The following DSCAM variants were observed in gnomAD, a reference collection of about 807,000 sequenced individuals.
DSCAM encodes the protein DS cell adhesion molecule, also known as cell adhesion molecule DSCAM.
In DSCAM, 47 loss-of-function variants were observed where a neutral mutation model predicts 217.7. The ratio of observed to expected loss-of-function variants is 0.22; its 90% confidence interval spans 0.17 to 0.28. DSCAM has a LOEUF of 0.28. Ranked by LOEUF, DSCAM falls within the 10% of genes least tolerant of loss-of-function variation. The pLI, the probability that DSCAM is intolerant of heterozygous loss-of-function variation, is 1.00. For synonymous variants in DSCAM, 1,056 were observed against 1,015.3 expected, an observed-to-expected ratio of 1.04 and a Z score of -0.76; for missense variants, 2,080 against 2,618.3, an observed-to-expected ratio of 0.79 and a Z score of 4.49.
intron 1 of DSCAM, among the ~76,000 whole-genome samples, chr21:40,710,296 C>T (rs1456314306): frequency 6.6e-6 from 1 of 152,024 alleles, no homozygotes; most frequent in African/African-American, 2.4e-5. Flanking sequence ...TAGGACATAA[C>T]AATAAAGAGA....
chr21:40,808,886 C>G (rs2091812494), intron 1 of DSCAM, among the ~76,000 whole-genome samples: 1 of 152,228 alleles, frequency 6.6e-6, no homozygotes, highest in Non-Finnish European at 1.5e-5. Context: ...CTGACACTCT[C>G]TGCTTTGTTA....
At chr21:40,677,688 TC>T (rs2146415845) in intron 3 of DSCAM, among the ~76,000 whole-genome samples, 1 of 152,250 alleles carries the variant, frequency 6.6e-6, no homozygotes, top group African/African-American at 2.4e-5. Flanking sequence ...GGGAGGTGGA[TC>T]CTTTGGAGGG....
intron 3 of DSCAM, among the ~76,000 whole-genome samples, chr21:40,388,504 C>T (rs974694360): frequency 2.0e-5 from 3 of 152,092 alleles, no homozygotes; most frequent in Non-Finnish European, 4.4e-5. Context: ...TCCATTTCAC[C>T]CACATCTTAA....
At chr21:40,437,721 G>A (rs2075595877) in intron 3 of DSCAM, among the ~76,000 whole-genome samples, 1 of 152,018 alleles carries the variant, frequency 6.6e-6, no homozygotes, top group African/African-American at 2.4e-5. Flanking sequence ...CGTGGTGGTG[G>A]GCACCTGTAA....
intron 1 of DSCAM, among the ~76,000 whole-genome samples, chr21:40,797,354 T>G (rs377137579): frequency 6.6e-6 from 1 of 152,184 alleles, no homozygotes; most frequent in African/African-American, 2.4e-5. Context: ...TTCTCCACAC[T>G]GTTGCGAAAC....
intron 3 of DSCAM, among the ~76,000 whole-genome samples, chr21:40,630,258 T>C (rs1222885308): frequency 6.6e-6 from 1 of 152,200 alleles, no homozygotes; most frequent in East Asian, 1.9e-4. Context: ...AGGAAATGCA[T>C]GCATTGTTGG....
At chr21:40,163,278 G>T (rs1162835145) in intron 16 of DSCAM, among the ~76,000 whole-genome samples, 3 of 152,164 alleles carry the variant, frequency 2.0e-5, no homozygotes, top group Non-Finnish European at 4.4e-5. Flanking sequence ...TTCCTTAGTT[G>T]TACAATGTTC....
intron 3 of DSCAM, among the ~76,000 whole-genome samples, chr21:40,640,426 G>A (rs1343790054): frequency 6.6e-6 from 1 of 152,256 alleles, no homozygotes; most frequent in African/African-American, 2.4e-5. Context: ...TCCCTGATCC[G>A]CAGCTTCCTG....
At chr21:40,280,481 T>G (rs562863978) in intron 10 of DSCAM, among the ~76,000 whole-genome samples, 44 of 152,310 alleles carry the variant, frequency 2.9e-4, no homozygotes, top group African/African-American at 9.9e-4. Flanking sequence ...GAGCCATTGT[T>G]CTTGGCCTCA....
intron 3 of DSCAM, among the ~76,000 whole-genome samples, chr21:40,400,839 A>G: frequency 6.6e-6 from 1 of 152,236 alleles, no homozygotes; most frequent in Non-Finnish European, 1.5e-5. Flanking sequence ...TTGTAACATC[A>G]TGCATTAGTC....
At chr21:40,395,965 T>TC (rs1292292769) in intron 3 of DSCAM, among the ~76,000 whole-genome samples, 1 of 152,174 alleles carries the variant, frequency 6.6e-6, no homozygotes, top group African/African-American at 2.4e-5. Context: ...TACAGTGTTC[T>TC]CCTGCAGCCT....
intron 3 of DSCAM, among the ~76,000 whole-genome samples, chr21:40,595,626 T>C (rs577329503): frequency 1.3e-4 from 20 of 152,304 alleles, no homozygotes; most frequent in African/African-American, 3.8e-4. Context: ...TCAGCTCTTC[T>C]GAACCTCCTC....
intron 3 of DSCAM, among the ~76,000 whole-genome samples, chr21:40,376,426 A>C (rs572794910): frequency 9.6e-4 from 136 of 142,174 alleles, no homozygotes; most frequent in Middle Eastern, 7.4e-3. Context: ...TATCTTATAT[A>C]GATATCTATA....
chr21:40,397,158 G>A (rs2075186356), intron 3 of DSCAM, among the ~76,000 whole-genome samples: 1 of 152,112 alleles, frequency 6.6e-6, no homozygotes, highest in African/African-American at 2.4e-5. Flanking sequence ...CACCAGAATA[G>A]TCTTCTTCAC....
chr21:40,289,701 G>T (rs1370853495), intron 10 of DSCAM, among the ~76,000 whole-genome samples: 1 of 152,138 alleles, frequency 6.6e-6, no homozygotes, highest in Non-Finnish European at 1.5e-5. Flanking sequence ...TTTATCAGGG[G>T]TATGCATGTG....
Position 40,348,037 on chromosome 21 carries a change from A to G in DSCAM, c.935-92T>C, listed in dbSNP as rs910305248. The G allele has an allele frequency of 2.9e-6, 4 of 1,379,542 alleles. No individual in the cohort carries two copies. The African/African-American group carries it at 4.3e-5, about 15-fold the overall frequency. The allele number at this position is 1,379,542 out of a possible 1,614,324, so 85.5% of individuals were successfully genotyped here. A position where few individuals can be genotyped will look rare whatever the true frequency, so the allele number is the denominator to read the frequency against. On this transcript the variant is annotated intron_variant, in intron 5 of 32. Coordinates refer to ENST00000400454, the MANE Select transcript of DSCAM (RefSeq NM_001389.5). ...GCTGGACTTTCAACAAAGCAAGTGC[A>G]TCACGCAATCATACTCCACACAGTT...
At chr21:40,341,541 G>T (rs1275295245) in intron 6 of DSCAM, among the ~76,000 whole-genome samples, 5 of 152,118 alleles carry the variant, frequency 3.3e-5, no homozygotes, top group African/African-American at 9.7e-5. Flanking sequence ...CCACAAAAAC[G>T]ATCAAGATAT....
chr21:40,149,999 C>T (rs1163169783), intron 16 of DSCAM, among the ~76,000 whole-genome samples: 1 of 152,196 alleles, frequency 6.6e-6, no homozygotes, highest in African/African-American at 2.4e-5. Flanking sequence ...CCACAATGAC[C>T]ACAACTACTA....
chr21:40,325,933 A>C (rs2074312580), intron 8 of DSCAM, among the ~76,000 whole-genome samples: 1 of 152,292 alleles, frequency 6.6e-6, no homozygotes, highest in South Asian at 2.1e-4. Context: ...ACATGGACAC[A>C]TTTATAAGAT....
Sources: allele counts gnomAD v4.1 joint callset (sites outside exome capture counted in the v4.1 genomes callset), GRCh38; gene constraint gnomAD v4.1.1; transcripts MANE v1.5; gene names NCBI Gene and HGNC (gene_info 2026-07-23, HGNC 2026-07-21).